METTL3: variants seen among roughly 807,000 people sequenced by gnomAD.
METTL3 encodes N(6)-adenosine-methyltransferase catalytic subunit METTL3.
Under a neutral mutation model 64.3 loss-of-function variants are expected in METTL3, and 42 were observed. That is an observed-to-expected ratio of 0.65 (90% CI 0.51 to 0.84). The LOEUF (loss-of-function observed/expected upper bound fraction) is 0.84. METTL3 is among the 40% of genes least tolerant of loss of function. The probability of loss-of-function intolerance (pLI) is 0.00; values close to 1 mark genes in which losing one functional copy is unlikely to be tolerated. For missense variants in METTL3, 435 were observed against 722.3 expected (o/e 0.60, Z 4.56); for synonymous variants, 256 against 263.6 (o/e 0.97, Z 0.28).
Position 21,499,514 on chromosome 14 carries a change from T to TTC in METTL3, c.1428_1429dup (p.Asn477ArgfsTer27). On this transcript the variant is annotated frameshift_variant, in exon 8 of 11. Coordinates refer to ENST00000298717, the MANE Select transcript of METTL3 (RefSeq NM_019852.5). LOFTEE classifies it high-confidence loss of function. ...CACCAAGCAGTGTTCCTTCCCATGG[T>TTC]TCAACCAGTGACCTGTACGGCCTGT... 6.2e-7 allele frequency: 1 copy of TTC among 1,614,166 alleles called. No individual in the cohort carries two copies. The highest frequency in any genetic ancestry group is 8.5e-7 in the Non-Finnish European group (1 of 1,179,988).
chr14:21,501,490 C>A (rs1350006150), intron 4 of METTL3: 1 of 582,550 alleles, frequency 1.7e-6, no homozygotes, highest in South Asian at 2.1e-5. Context: ...GACAGACATA[C>A]TTTGCTATTC....
Position 21,511,179 on chromosome 14 carries a change from C to G in METTL3, c.45G>C (p.Leu15=). 6.2e-7 allele frequency: 1 copy of G among 1,614,092 alleles called. No homozygotes were observed. Among genetic ancestry groups the G allele is most frequent in the Non-Finnish European group, 8.5e-7 (1 of 1,180,002 alleles). Reference sequence around the variant, plus strand: ...GCTGCAGCCTCTCCCGCAGAGAGTCCAGCTGCTTCTTGTGGGCCTGGATAG... The same window carrying G: ...GCTGCAGCCTCTCCCGCAGAGAGTCGAGCTGCTTCTTGTGGGCCTGGATAG... ...WSSIQAHKKQ[L]DSLRERLQRR... is the part of the protein sequence containing the mutation. Residue 15 remains leucine, a synonymous_variant, in exon 1 of 11, where the codon CTG becomes CTC. Transcript: ENST00000298717.
intron 5 of METTL3, 41 bp from the exon 6 acceptor site, chr14:21,500,723 C>CT (rs1244613773): frequency 1.3e-6 from 2 of 1,576,208 alleles, no homozygotes; most frequent in Non-Finnish European, 1.7e-6. Flanking sequence ...TACTTTAACT[C>CT]TGAGATTCAT....
chr14:21,502,548 T>A (rs943480042), intron 3 of METTL3: 1 of 153,726 alleles, frequency 6.5e-6, no homozygotes, highest in Non-Finnish European at 1.4e-5. Flanking sequence ...CTAAACACTT[T>A]ACTTTTTAGC....
At chr14:21,501,994 T>C in intron 3 of METTL3, 91 bp from the exon 4 acceptor site, 3 of 993,796 alleles carry the variant, frequency 3.0e-6, no homozygotes, top group Non-Finnish European at 4.4e-6. Context: ...CATTAATGTC[T>C]TCTAAGAGAT....
chr14:21,507,219 C>A (rs557259366), intron 1 of METTL3, among the ~76,000 whole-genome samples: 1 of 151,796 alleles, frequency 6.6e-6, no homozygotes, highest in East Asian at 1.9e-4. Context: ...AATAAAAATG[C>A]CAATCTAACA....
intron 1 of METTL3, 27 bp from the exon 2 acceptor site, chr14:21,503,908 A>G (rs1425599622): frequency 1.9e-6 from 3 of 1,603,462 alleles, no homozygotes; most frequent in Non-Finnish European, 2.6e-6. Context: ...GTGAAAATGA[A>G]AAAAGGCAAC....
rs756889172 is a variant in METTL3 at position 21,503,781 on chromosome 14, T to A, written c.201A>T (p.Ser67=). The A allele has an allele frequency of 6.2e-7, 1 of 1,614,258 alleles. No individual in the cohort carries two copies. Among genetic ancestry groups the A allele is most frequent in the Non-Finnish European group, 8.5e-7 (1 of 1,180,052 alleles). The change falls in exon 2 of 11, where the codon TCA becomes TCT. Residue 67 remains serine (S), a synonymous_variant. Transcript: ENST00000298717. ...GATCTGTAGCTAATTCAGGAACTGC[T>A]GAAGCTGTGCTGGGCTTAGGGCCAC... is the stretch of plus-strand genomic sequence containing the variant. ...TSGGPKPSTA[S]AVPELATDPE...
At chr14:21,499,257 C>T (rs1372984140) in intron 9 of METTL3, 49 bp downstream of exon 9, 1 of 1,609,368 alleles carries the variant, frequency 6.2e-7, no homozygotes, top group East Asian at 2.2e-5. Context: ...ACATGAATAA[C>T]TGATACCAAC....
At position 21,501,755 on chromosome 14, in the gene METTL3, T is replaced by G. The variant is rs749232135; in HGVS notation, c.872A>C (p.Asp291Ala). Residue 291 changes from aspartate (D) to alanine (A), a missense_variant, in exon 4 of 11, where the codon GAT becomes GCT. By Grantham distance (126) the Asp-to-Ala change is moderately radical. This residue lies in a region of METTL3 where 40 missense variants were observed against 89.6 expected (regional missense o/e 0.45). Transcript: ENST00000298717. The stretch of plus-strand genomic sequence containing the variant: ...GAAGTGCAGCTTGCGACAGGGTCGA[T>G]CAGCATCACTGGCTTTCATGCACTC... Reference protein sequence around the residue: ...KEECMKASDADRPCRKLHFRR... With the variant: ...KEECMKASDAARPCRKLHFRR... The G allele has an allele frequency of 6.6e-5, 106 of 1,614,096 alleles. No individual in the cohort carries two copies. Among genetic ancestry groups the G allele is most frequent in the Non-Finnish European group, 8.7e-5 (103 of 1,180,046 alleles).
intron 3 of METTL3, 66 bp downstream of exon 3, chr14:21,503,107 T>TA: frequency 6.6e-7 from 1 of 1,516,382 alleles, no homozygotes; most frequent in Non-Finnish European, 8.9e-7. Flanking sequence ...GCCCTAGGGG[T>TA]AAATCCCTGT....
At chr14:21,511,096 C>A in intron 1 of METTL3, 28 bp downstream of exon 1, 1 of 1,610,246 alleles carries the variant, frequency 6.2e-7, no homozygotes, top group South Asian at 1.1e-5. Flanking sequence ...CCCGGTTGAG[C>A]CTCGGCCCCA....
Position 21,503,500 on chromosome 14 carries a change from C to T in METTL3, c.396G>A (p.Lys132=), listed in dbSNP as rs754471706. The T allele has an allele frequency of 2.0e-5, 33 of 1,612,046 alleles. No individual in the cohort carries two copies. The highest frequency in any genetic ancestry group is 2.5e-5 in the Non-Finnish European group (30 of 1,180,026). The change falls in exon 3 of 11, where the codon AAG becomes AAA. Residue 132 remains lysine (K), a synonymous_variant. Coordinates refer to ENST00000298717, the MANE Select transcript of METTL3 (RefSeq NM_019852.5). The part of the protein sequence containing the change: ...KFAAQELIEV[K]RGLLQDDAHP... ...GTGCATCATCTTGTAGGAGACCTCG[C>T]TTTACCTCAATCAACTCCTGAGCTG...
intron 1 of METTL3, chr14:21,504,355 A>T: frequency 6.3e-6 from 1 of 157,858 alleles, no homozygotes. Flanking sequence ...TACCTATAAC[A>T]CTCACAAACA....
chr14:21,504,826 G>C (rs1236270677), intron 1 of METTL3: 2 of 151,950 alleles, frequency 1.3e-5, no homozygotes, highest in Non-Finnish European at 2.9e-5. Context: ...TATAATCCCA[G>C]CTACTGGGGA....
rs199873317 is a variant in METTL3 at position 21,503,821 on chromosome 14, G to T, written c.161C>A (p.Thr54Asn). 17 of 1,614,252 alleles carry T rather than the reference G, an allele frequency of 1.1e-5. No homozygotes were observed. Among genetic ancestry groups the T allele is most frequent in the Middle Eastern group, 1.7e-4 (1 of 6,052 alleles). Residue 54 changes from threonine to asparagine, a missense_variant, in exon 2 of 11, where the codon ACT (threonine) becomes AAT (asparagine). By Grantham distance (65) the Thr-to-Asn change is moderately conservative. Around this residue, in one of 9 missense-constraint regions of METTL3, gnomAD observed 228 missense variants for 279.6 expected, o/e 0.82. Transcript: ENST00000298717. ...CTTAGGGCCACCAGAGGTGGGTGCA[G>T]TAGGCACTGGGCTGTCACTACGGAA... The part of the protein sequence containing the change: ...PTFRSDSPVP[T>N]APTSGGPKPS...
chr14:21,498,452 A>C, intron 10 of METTL3, 83 bp from the exon 11 acceptor site: 1 of 1,306,528 alleles, frequency 7.7e-7, no homozygotes, highest in Non-Finnish European at 1.1e-6. Context: ...TACCAAATGA[A>C]GACTGCCTAT....
intron 5 of METTL3, 77 bp from the exon 6 acceptor site, chr14:21,500,759 A>G: frequency 6.7e-7 from 1 of 1,502,674 alleles, no homozygotes; most frequent in South Asian, 1.3e-5. Flanking sequence ...TTTCCATTTG[A>G]TTTTTCCTAT....
At chr14:21,505,045 G>A (rs1198805694) in intron 1 of METTL3, 1 of 152,104 alleles carries the variant, frequency 6.6e-6, no homozygotes, top group East Asian at 1.9e-4. Context: ...CCTTATCTCT[G>A]TAATCCCAGC....
Sources: gnomAD v4.1 joint callset for allele counts (sites outside exome capture counted in the v4.1 genomes callset) on GRCh38, gnomAD v4.1.1 for gene constraint, gnomAD v4.1.1 regional missense constraint, MANE v1.5 for transcripts, NCBI Gene and HGNC (gene_info 2026-07-23, HGNC 2026-07-21) for gene names.